JAZF1: variants seen among roughly 807,000 people sequenced by gnomAD.
JAZF1 encodes juxtaposed with another zinc finger protein 1.
In JAZF1, 8 loss-of-function variants were observed where a neutral mutation model predicts 26.4. The ratio of observed to expected loss-of-function variants is 0.30; its 90% CI spans 0.18 to 0.55. The LOEUF (loss-of-function observed/expected upper bound fraction) is 0.55. Ranked by LOEUF, JAZF1 falls within the 20% of genes least tolerant of loss-of-function variation. The pLI is 0.94. For synonymous variants in JAZF1, 126 were observed against 122.3 expected, an observed-to-expected ratio of 1.03 and a Z score of -0.20; for missense variants, 199 against 322.0, an observed-to-expected ratio of 0.62 and a Z score of 2.92.
At chr7:28,040,820 G>C (rs574233133) in intron 1 of JAZF1, among the ~76,000 whole-genome samples, 1 of 152,142 alleles carries the variant, frequency 6.6e-6, no homozygotes. Flanking sequence ...TGACTGCAGC[G>C]ACGTAAGGTA....
intron 4 of JAZF1, 115 bp from the exon 5 acceptor site, chr7:27,833,091 G>A: frequency 1.3e-6 from 1 of 766,836 alleles, no homozygotes; most frequent in South Asian, 2.1e-5. Flanking sequence ...TTAGAGTGTA[G>A]TCTTTTGCAA....
intron 1 of JAZF1, among the ~76,000 whole-genome samples, chr7:28,117,044 G>A (rs1039322840): frequency 7.9e-5 from 12 of 152,214 alleles, no homozygotes; most frequent in Non-Finnish European, 1.2e-4. Context: ...GACTGGTCTC[G>A]AACTCCTGAC....
At chr7:28,061,309 T>C (rs1583537604) in intron 1 of JAZF1, among the ~76,000 whole-genome samples, 1 of 152,360 alleles carries the variant, frequency 6.6e-6, no homozygotes, top group East Asian at 1.9e-4. Flanking sequence ...TCTTGTATGA[T>C]CACGTTATAA....
At chr7:27,944,658 T>C (rs1163163833) in intron 2 of JAZF1, among the ~76,000 whole-genome samples, 1 of 152,236 alleles carries the variant, frequency 6.6e-6, no homozygotes, top group East Asian at 1.9e-4. Flanking sequence ...CATTTATTGT[T>C]TTTGGTAAAG....
At chr7:28,136,694 T>C (rs1782891339) in intron 1 of JAZF1, among the ~76,000 whole-genome samples, 1 of 152,246 alleles carries the variant, frequency 6.6e-6, no homozygotes, top group Non-Finnish European at 1.5e-5. Context: ...ACGGAGTTTG[T>C]GGTCTAGTTA....
At position 28,169,868 on chromosome 7, in the gene JAZF1, G is replaced by A. The variant is rs996851425; in HGVS notation, c.115+10595C>T. Reference sequence around the variant, plus strand: ...AAATCAGGCAGCTAAATTAGCATTCGAGAGGCTCTCGCTAAATGAATTAGG... The same window carrying A: ...AAATCAGGCAGCTAAATTAGCATTCAAGAGGCTCTCGCTAAATGAATTAGG... On this transcript the variant is annotated intron_variant, in intron 1 of 4. Transcript: ENST00000283928. Among the ~76,000 whole-genome samples the A allele has an allele frequency of 4.6e-5, 7 of 152,110 alleles. No homozygotes were observed. The East Asian group carries it at 7.7e-4, about 17-fold the overall frequency.
chr7:28,043,308 TG>T (rs1202932445), intron 1 of JAZF1, among the ~76,000 whole-genome samples: 1 of 152,130 alleles, frequency 6.6e-6, no homozygotes, highest in Non-Finnish European at 1.5e-5. Flanking sequence ...TGCCAACTGT[TG>T]TGAGTCTGTT....
At chr7:28,159,727 T>C (rs1783250559) in intron 1 of JAZF1, among the ~76,000 whole-genome samples, 1 of 152,114 alleles carries the variant, frequency 6.6e-6, no homozygotes, top group East Asian at 1.9e-4. Context: ...TTCAGCCTCC[T>C]TACCAACTGC....
intron 2 of JAZF1, among the ~76,000 whole-genome samples, chr7:27,942,926 G>A (rs1247511700): frequency 6.6e-6 from 1 of 152,198 alleles, no homozygotes; most frequent in Non-Finnish European, 1.5e-5. Context: ...GTAAGATGAG[G>A]CGCTATTTGG....
chr7:28,050,031 G>C (rs1288763953), intron 1 of JAZF1, among the ~76,000 whole-genome samples: 1 of 152,056 alleles, frequency 6.6e-6, no homozygotes, highest in African/African-American at 2.4e-5. Context: ...CCATGGCTTG[G>C]TCTTTCTGGT....
At chr7:28,059,261 GT>G (rs1444036694) in intron 1 of JAZF1, among the ~76,000 whole-genome samples, 2 of 152,056 alleles carry the variant, frequency 1.3e-5, no homozygotes, top group Non-Finnish European at 2.9e-5. Context: ...ACTTTTCTTT[GT>G]GTGTTGTGAA....
chr7:27,999,924 G>T (rs1020816033), intron 1 of JAZF1, among the ~76,000 whole-genome samples: 6 of 152,154 alleles, frequency 3.9e-5, no homozygotes, highest in Non-Finnish European at 7.3e-5. Context: ...TGTTCAGAGG[G>T]CTATAAAATG....
intron 1 of JAZF1, among the ~76,000 whole-genome samples, chr7:28,075,646 A>G (rs1405556357): frequency 1.3e-5 from 2 of 152,154 alleles, no homozygotes; most frequent in African/African-American, 4.8e-5. Flanking sequence ...ACAACATAAA[A>G]CAGACAGTAT....
intron 1 of JAZF1, among the ~76,000 whole-genome samples, chr7:28,027,281 A>AGTG (rs1783109920): frequency 6.6e-6 from 1 of 152,188 alleles, no homozygotes; most frequent in Non-Finnish European, 1.5e-5. Flanking sequence ...AGTAGGAAAA[A>AGTG]GTGGTTCCTA....
In JAZF1 at chr7:27,831,099, T is replaced by A. The variant is rs536108082; in HGVS notation, c.*1701A>T. 1 of 223,242 alleles carries A rather than the reference T, an allele frequency of 4.5e-6. No individual in the cohort carries two copies. Among genetic ancestry groups the A allele is most frequent in the Non-Finnish European group, 9.0e-6 (1 of 111,552 alleles). 13.8% of individuals were successfully genotyped at this position (223,242 alleles called of 1,614,324 possible). A position where few individuals can be genotyped will look rare whatever the true frequency, so the allele number is the denominator to read the frequency against. On this transcript the variant is annotated 3_prime_UTR_variant, in exon 5 of 5. Transcript: ENST00000283928. ...CATGTCTGGATCACCCTTTTAAACA[T>A]AGGATAACACTGTATATTCAGGACC... is the stretch of plus-strand genomic sequence containing the variant.
At chr7:27,901,406 A>G (rs537521695) in intron 2 of JAZF1, among the ~76,000 whole-genome samples, 6 of 152,184 alleles carry the variant, frequency 3.9e-5, no homozygotes, top group African/African-American at 1.4e-4. Context: ...ACAGGGGGAA[A>G]ATGTCAACTG....
At chr7:28,178,835 GAAAACTTGAAAAGTTTC>G (rs1293490036) in intron 1 of JAZF1, among the ~76,000 whole-genome samples, 1 of 152,220 alleles carries the variant, frequency 6.6e-6, no homozygotes, top group Admixed American at 6.5e-5. Flanking sequence ...AAGGACGCCT[GAAAACTTGAAAAGTTTC>G]AAAACCTGGA....
rs1783546653 is a variant in JAZF1, at chr7:28,049,058, C to T, written c.116-57077G>A. Among the ~76,000 whole-genome samples, 3 of 120,462 alleles carry T rather than the reference C, an allele frequency of 2.5e-5. No homozygotes were observed. The South Asian group carries it at 1.0e-3, about 40-fold the overall frequency. 79.0% of individuals were successfully genotyped at this position (120,462 alleles called of 152,430 possible). A position where few individuals can be genotyped will look rare whatever the true frequency, so the allele number is the denominator to read the frequency against. On this transcript the variant is annotated intron_variant, in intron 1 of 4. Coordinates refer to ENST00000283928, the MANE Select transcript of JAZF1 (RefSeq NM_175061.4). ...TCCCCTTCCCTCCCTCCCCTCCCCT[C>T]CCCTCCCTCCCTTCCTCTCTCTCTC...
At chr7:27,895,539 A>G (rs920226844) in intron 2 of JAZF1, 123 bp from the exon 3 acceptor site, 9 of 548,910 alleles carry the variant, frequency 1.6e-5, no homozygotes, top group Non-Finnish European at 3.0e-6. Context: ...GTCAGTCCCA[A>G]TCTCAAAAAC....
Sources: allele counts gnomAD v4.1 joint callset (sites outside exome capture counted in the v4.1 genomes callset), GRCh38; gene constraint gnomAD v4.1.1; transcripts MANE v1.5; gene names NCBI Gene and HGNC (gene_info 2026-07-23, HGNC 2026-07-21).